Variants in SEPTIN10 observed in about 807,000 individuals in gnomAD.
SEPTIN10 encodes the protein septin-10.
SEPTIN10 carries 66 observed loss-of-function variants against 54.8 expected under a neutral mutation model. The ratio of observed to expected loss-of-function variants is 1.21; its 90% CI spans 0.99 to 1.48. SEPTIN10 has a LOEUF of 1.48. SEPTIN10 is among the 40% of genes most tolerant of loss of function. The pLI is 0.00. For missense variants in SEPTIN10, 620 were observed against 545.6 expected (o/e 1.14, Z -1.36); for synonymous variants, 161 against 181.0 (o/e 0.89, Z 0.89).
Position 109,590,633 on chromosome 2 carries a change from C to T in SEPTIN10, c.99+2418G>A, listed in dbSNP as rs573396867. ...TTTTAGTAGAGACAAGGTTTCACGTCGGTCAGGCTGGTCTCGAACTCTTGA... is the reference window on the plus strand; with the variant it reads ...TTTTAGTAGAGACAAGGTTTCACGTTGGTCAGGCTGGTCTCGAACTCTTGA... On this transcript the variant is annotated intron_variant, in intron 2 of 10. Coordinates refer to ENST00000397712, the MANE Select transcript of SEPTIN10 (RefSeq NM_144710.5). 1.6e-3 allele frequency among the ~76,000 whole-genome samples: 240 copies of T among 152,100 alleles called. 1 individual carries two copies. The highest frequency in any genetic ancestry group is 2.4e-3 in the Non-Finnish European group (162 of 67,980).
chr2:109,554,655 G>A (rs556020564), intron 8 of SEPTIN10, among the ~76,000 whole-genome samples: 5 of 152,234 alleles, frequency 3.3e-5, no homozygotes, highest in African/African-American at 4.8e-5. Context: ...GGCCATCGCC[G>A]GGAATCAATT....
chr2:109,575,944 T>C (rs1199509379), intron 4 of SEPTIN10, among the ~76,000 whole-genome samples: 2 of 152,168 alleles, frequency 1.3e-5, no homozygotes, highest in Non-Finnish European at 2.9e-5. Flanking sequence ...CAGTATCTTA[T>C]ACATCTGTAT....
intron 2 of SEPTIN10, among the ~76,000 whole-genome samples, chr2:109,590,009 C>CAT (rs368882798): frequency 4.8e-4 from 71 of 149,406 alleles, no homozygotes; most frequent in African/African-American, 1.4e-3. Context: ...TTCACATAAT[C>CAT]ATATATATAT....
chr2:109,553,006 A>G, intron 9 of SEPTIN10, 81 bp downstream of exon 9: 1 of 1,527,778 alleles, frequency 6.5e-7, no homozygotes, highest in African/African-American at 1.4e-5. Context: ...AAGAGTCTCA[A>G]GCAAATTCTT....
intron 7 of SEPTIN10, 29 bp from the exon 8 acceptor site, chr2:109,564,563 A>C (rs965095679): frequency 4.1e-6 from 6 of 1,453,738 alleles, no homozygotes; most frequent in Non-Finnish European, 5.5e-6. Context: ...GAAAAGAACA[A>C]CACTGGATTT....
At chr2:109,562,245 T>A (rs1032192995) in intron 8 of SEPTIN10, among the ~76,000 whole-genome samples, 4 of 151,424 alleles carry the variant, frequency 2.6e-5, no homozygotes, top group African/African-American at 4.9e-5. Flanking sequence ...AAATTAAATT[T>A]AAAAAAATAC....
chr2:109,594,290 G>C (rs934150979), intron 1 of SEPTIN10, among the ~76,000 whole-genome samples: 3 of 152,076 alleles, frequency 2.0e-5, no homozygotes, highest in Non-Finnish European at 4.4e-5. Flanking sequence ...AATTGCAAAT[G>C]GTGTCAATGA....
intron 1 of SEPTIN10, among the ~76,000 whole-genome samples, chr2:109,595,169 G>A (rs1171143035): frequency 6.6e-6 from 1 of 152,214 alleles, no homozygotes; most frequent in Non-Finnish European, 1.5e-5. Flanking sequence ...TTACAGGCCT[G>A]AGCCCCCACG....
chr2:109,607,986 T>A (rs1698388926), intron 1 of SEPTIN10, among the ~76,000 whole-genome samples: 1 of 152,232 alleles, frequency 6.6e-6, no homozygotes, highest in Admixed American at 6.5e-5. Flanking sequence ...AAGTTCAATG[T>A]CTGTTTCTGA....
intron 8 of SEPTIN10, among the ~76,000 whole-genome samples, chr2:109,561,949 G>A (rs1183527046): frequency 1.3e-5 from 2 of 152,072 alleles, no homozygotes; most frequent in African/African-American, 2.4e-5. Context: ...TAGTAGAGAT[G>A]GGGTTTCAAG....
At chr2:109,552,829 G>A in intron 9 of SEPTIN10, 1 of 382,632 alleles carries the variant, frequency 2.6e-6, no homozygotes, top group East Asian at 4.9e-5. Context: ...AGCTGCTGCA[G>A]CTTCCAGTTC....
At chr2:109,576,604 C>G (rs909589063) in intron 4 of SEPTIN10, among the ~76,000 whole-genome samples, 1 of 152,004 alleles carries the variant, frequency 6.6e-6, no homozygotes, top group African/African-American at 2.4e-5. Flanking sequence ...GTATATATTT[C>G]ACATAAAAAT....
At chr2:109,554,312 C>T (rs939246703) in intron 8 of SEPTIN10, among the ~76,000 whole-genome samples, 8 of 152,294 alleles carry the variant, frequency 5.3e-5, no homozygotes, top group Admixed American at 3.3e-4. Context: ...AGCACTTTCA[C>T]ACCGCATTGC....
At chr2:109,610,518 C>G (rs983771551) in intron 1 of SEPTIN10, among the ~76,000 whole-genome samples, 1 of 152,100 alleles carries the variant, frequency 6.6e-6, no homozygotes, top group African/African-American at 2.4e-5. Context: ...AGTTCAAGAC[C>G]AGCTTGACCA....
chr2:109,602,567 CG>C (rs1558891092), intron 1 of SEPTIN10, among the ~76,000 whole-genome samples: 1 of 151,226 alleles, frequency 6.6e-6, no homozygotes, highest in African/African-American at 2.4e-5. Context: ...CCCAGCTACT[CG>C]GGAGGGTGAG....
rs1448791208 is a variant in SEPTIN10 at position 109,548,118 on chromosome 2, T to G, written c.1162-1881A>C. On this transcript the variant is annotated intron_variant, in intron 9 of 10. Transcript: ENST00000397712. Reference sequence around the variant, plus strand: ...AAGTTATGTGAAGTTCTGCATGCAGTTCAGAGAGACAAGGTCCAAGGAGAA... The same window carrying G: ...AAGTTATGTGAAGTTCTGCATGCAGGTCAGAGAGACAAGGTCCAAGGAGAA... 2.8e-5 allele frequency among the ~76,000 whole-genome samples: 4 copies of G among 144,640 alleles called. No homozygotes were observed. The South Asian group carries it at 9.6e-4, about 35-fold the overall frequency. 94.9% of individuals were successfully genotyped at this position (144,640 alleles called of 152,430 possible). A position where few individuals can be genotyped will look rare whatever the true frequency, so the allele number is the denominator to read the frequency against.
At chr2:109,547,844 A>G (rs533510870) in intron 9 of SEPTIN10, among the ~76,000 whole-genome samples, 9 of 152,340 alleles carry the variant, frequency 5.9e-5, no homozygotes, top group African/African-American at 2.2e-4. Context: ...ATAACAAAAA[A>G]TAGGAAACTC....
At chr2:109,547,370 T>TTG (rs369193066) in intron 9 of SEPTIN10, among the ~76,000 whole-genome samples, 1 of 49,822 alleles carries the variant, frequency 2.0e-5, no homozygotes, top group Admixed American at 2.7e-4. Context: ...AATAAACTTG[T>TTG]TTTTTTTTTT....
chr2:109,600,482 T>C (rs920514019), intron 1 of SEPTIN10, among the ~76,000 whole-genome samples: 1 of 151,214 alleles, frequency 6.6e-6, no homozygotes, highest in Non-Finnish European at 1.5e-5. Context: ...ACTGCCAAAC[T>C]GCCCCTCAAA....
Sources: gnomAD v4.1 joint callset for allele counts (sites outside exome capture counted in the v4.1 genomes callset) on GRCh38, gnomAD v4.1.1 for gene constraint, MANE v1.5 for transcripts, NCBI Gene and HGNC (gene_info 2026-07-23, HGNC 2026-07-21) for gene names.